The following PEBP4 variants were observed in gnomAD, a reference collection of about 807,000 sequenced individuals.
PEBP4 encodes the protein phosphatidylethanolamine-binding protein 4.
Under a neutral mutation model 23.9 loss-of-function variants are expected in PEBP4, and 22 were observed. That is an observed-to-expected ratio of 0.92 (90% CI 0.66 to 1.31). PEBP4 has a LOEUF of 1.31. PEBP4 is among the 40% of genes most tolerant of loss of function. The pLI, the probability that PEBP4 is intolerant of heterozygous loss-of-function variation, is 0.00. For synonymous variants in PEBP4, 112 were observed against 99.3 expected (o/e 1.13, Z -0.76); for missense variants, 324 against 281.7 (o/e 1.15, Z -1.07).
intron 4 of PEBP4, among the ~76,000 whole-genome samples, chr8:22,745,284 A>G (rs985452024): frequency 6.6e-6 from 1 of 152,052 alleles, no homozygotes; most frequent in African/African-American, 2.4e-5. Context: ...TGTGGTGGGG[A>G]GGTGTCACTG....
At chr8:22,923,219 C>A (rs975784996) in intron 2 of PEBP4, among the ~76,000 whole-genome samples, 1 of 152,160 alleles carries the variant, frequency 6.6e-6, no homozygotes, top group Non-Finnish European at 1.5e-5. Context: ...TGTTTCATTC[C>A]TCCAGGCTTC....
intron 1 of PEBP4, among the ~76,000 whole-genome samples, chr8:22,936,558 A>T (rs74516262): frequency 0.011 from 1,739 of 152,184 alleles, 29 homozygotes; most frequent in African/African-American, 0.04. Flanking sequence ...TCCTTCTCAA[A>T]CTCTTCCAAA....
chr8:22,786,685 C>G (rs1409414533), intron 4 of PEBP4, among the ~76,000 whole-genome samples: 2 of 152,164 alleles, frequency 1.3e-5, no homozygotes, highest in African/African-American at 4.8e-5. Context: ...CTCCTCAGTC[C>G]TAACGTCATC....
chr8:22,818,049 C>G (rs748256687), intron 3 of PEBP4, among the ~76,000 whole-genome samples: 2 of 152,194 alleles, frequency 1.3e-5, no homozygotes, highest in African/African-American at 4.8e-5. Context: ...ATCAAGGAAA[C>G]CTAAAACAGG....
chr8:22,774,560 C>T (rs903687228), intron 4 of PEBP4, among the ~76,000 whole-genome samples: 2 of 152,174 alleles, frequency 1.3e-5, no homozygotes, highest in Non-Finnish European at 2.9e-5. Flanking sequence ...GGAGGCCCCG[C>T]AGGGAGGAGT....
At position 22,927,789 on chromosome 8, in the gene PEBP4, C is replaced by T. The variant is rs1349924221; in HGVS notation, c.-7+34G>A. The T allele has an allele frequency of 5.0e-5, 80 of 1,589,998 alleles. No individual in the cohort carries two copies. The East Asian group carries it at 1.8e-3, about 35-fold the overall frequency. On this transcript the variant is annotated intron_variant, in intron 1 of 6. Transcript: ENST00000256404. ...GCCTTCCTGCCCACTACCTGTGCCC[C>T]CGACCCCAGGGGCCCACTTGGCAGG...
At chr8:22,825,134 A>C (rs74469584) in intron 3 of PEBP4, among the ~76,000 whole-genome samples, 5,069 of 152,314 alleles carry the variant, frequency 0.033, 246 homozygotes, top group African/African-American at 0.095. Flanking sequence ...GTCATTGCCA[A>C]CAGAAGCTCC....
intron 4 of PEBP4, among the ~76,000 whole-genome samples, chr8:22,788,730 G>A (rs1284292108): frequency 6.6e-6 from 1 of 152,138 alleles, no homozygotes; most frequent in Non-Finnish European, 1.5e-5. Flanking sequence ...ATTCTGGATG[G>A]CATTTTAGTT....
rs564183833 is a variant in PEBP4 at position 22,826,804 on chromosome 8, T to A, written c.259-9069A>T. On this transcript the variant is annotated intron_variant, in intron 3 of 6. Coordinates refer to ENST00000256404, the MANE Select transcript of PEBP4 (RefSeq NM_144962.3). Reference sequence around the variant, plus strand: ...GTGGTATTGATATGGGTAGATGAGATAGAGACATCTATATGTGTGTTCTAT... The same window carrying A: ...GTGGTATTGATATGGGTAGATGAGAAAGAGACATCTATATGTGTGTTCTAT... 2.6e-5 allele frequency among the ~76,000 whole-genome samples: 4 copies of A among 152,320 alleles called. No individual in the cohort carries two copies. The East Asian group carries it at 7.7e-4, about 29-fold the overall frequency.
At chr8:22,823,801 G>T (rs971302106) in intron 3 of PEBP4, among the ~76,000 whole-genome samples, 1 of 151,872 alleles carries the variant, frequency 6.6e-6, no homozygotes, top group Non-Finnish European at 1.5e-5. Flanking sequence ...CATAAAAAAA[G>T]ACTAATAACT....
intron 3 of PEBP4, among the ~76,000 whole-genome samples, chr8:22,904,305 G>A (rs1210167598): frequency 6.6e-6 from 1 of 152,192 alleles, no homozygotes; most frequent in East Asian, 1.9e-4. Flanking sequence ...CGTGGACCTT[G>A]GCTGGAGGCA....
intron 3 of PEBP4, among the ~76,000 whole-genome samples, chr8:22,899,952 C>A (rs1808678841): frequency 6.6e-6 from 1 of 152,092 alleles, no homozygotes; most frequent in African/African-American, 2.4e-5. Flanking sequence ...ACGGGAGGAG[C>A]ATAGCACAAA....
chr8:22,745,337 G>A (rs544922156), intron 4 of PEBP4, among the ~76,000 whole-genome samples: 157 of 152,294 alleles, frequency 1.0e-3, no homozygotes, highest in African/African-American at 3.5e-3. Flanking sequence ...CTTGGGTCCC[G>A]CAGAGGATTG....
chr8:22,927,598 G>A lies in PEBP4; in HGVS notation c.117C>T (p.Asp39=), dbSNP rs1809372212. 2 of 1,611,476 alleles carry A rather than the reference G, an allele frequency of 1.2e-6. No individual in the cohort carries two copies. Among genetic ancestry groups the A allele is most frequent in the Non-Finnish European group, 1.7e-6 (2 of 1,178,826 alleles). Residue 39 remains aspartate (D), a synonymous_variant, in exon 2 of 7, where the codon GAC becomes GAT. Transcript: ENST00000256404. ...CCCTGACTTACTGGCAAAAGAGGGT[G>A]TCCTCGTCCAAGAGGGCCTCATGGG... ...PCAHEALLDE[D]TLFCQGLEVF...
chr8:22,875,474 C>G (rs777004098), intron 3 of PEBP4, among the ~76,000 whole-genome samples: 2 of 152,160 alleles, frequency 1.3e-5, no homozygotes, highest in African/African-American at 2.4e-5. Flanking sequence ...TCTCCCTCCT[C>G]CCACCTTCCC....
At chr8:22,809,075 T>C (rs1806561779) in intron 4 of PEBP4, among the ~76,000 whole-genome samples, 1 of 152,156 alleles carries the variant, frequency 6.6e-6, no homozygotes, top group South Asian at 2.1e-4. Context: ...CTCGACTTTC[T>C]AAGCTTCCTA....
chr8:22,845,078 C>T (rs997061795), intron 3 of PEBP4, among the ~76,000 whole-genome samples: 6 of 152,182 alleles, frequency 3.9e-5, no homozygotes, highest in East Asian at 1.9e-4. Context: ...TTGCCCAGAC[C>T]GCCTGAGGCC....
chr8:22,859,346 T>C (rs1807718825), intron 3 of PEBP4, among the ~76,000 whole-genome samples: 1 of 152,142 alleles, frequency 6.6e-6, no homozygotes. Context: ...ACTATTCAAT[T>C]GGAAAAAAGT....
upstream of PEBP4, among the ~76,000 whole-genome samples, chr8:22,929,021 C>G (rs1232536910): frequency 1.3e-5 from 2 of 152,182 alleles, no homozygotes; most frequent in East Asian, 3.9e-4. Flanking sequence ...CAGGACTCCC[C>G]CTTGCCCCAA....
Sources: gnomAD v4.1 joint callset for allele counts (sites outside exome capture counted in the v4.1 genomes callset) on GRCh38, gnomAD v4.1.1 for gene constraint, MANE v1.5 for transcripts, NCBI Gene and HGNC (gene_info 2026-07-23, HGNC 2026-07-21) for gene names.